The following ACOT6 variants were observed in gnomAD, a reference collection of about 807,000 sequenced individuals.
ACOT6 encodes the protein acyl-coenzyme A thioesterase 6.
In ACOT6, 14 loss-of-function variants were observed where a neutral mutation model predicts 12.3. That is an observed-to-expected ratio of 1.14 (90% CI 0.75 to 1.78). ACOT6 has a LOEUF of 1.78. ACOT6 is among the 40% of genes most tolerant of loss of function. The pLI is 0.00. For synonymous variants in ACOT6, 218 were observed against 231.3 expected, an observed-to-expected ratio of 0.94 and a Z score of 0.52; for missense variants, 523 against 551.8, an observed-to-expected ratio of 0.95 and a Z score of 0.52.
chr14:73,611,305 A>C (rs1311138437), upstream of ACOT6, among the ~76,000 whole-genome samples: 1 of 152,224 alleles, frequency 6.6e-6, no homozygotes, highest in Non-Finnish European at 1.5e-5. Flanking sequence ...CTGAAAAACA[A>C]GAGGAGAGTC....
At chr14:73,614,857 G>A (rs1890506085) in intron 1 of ACOT6, among the ~76,000 whole-genome samples, 1 of 152,116 alleles carries the variant, frequency 6.6e-6, no homozygotes, top group African/African-American at 2.4e-5. Flanking sequence ...AGCACTTTGG[G>A]AGGCCGAGGC....
chr14:73,614,746 CAAA>C (rs60415801), intron 1 of ACOT6, among the ~76,000 whole-genome samples: 24 of 113,002 alleles, frequency 2.1e-4, no homozygotes, highest in Admixed American at 3.7e-4. Context: ...GACCCTGTCT[CAAA>C]AAAAAAAAAA....
At chr14:73,615,900 T>C (rs1025537401) in intron 1 of ACOT6, among the ~76,000 whole-genome samples, 1 of 152,126 alleles carries the variant, frequency 6.6e-6, no homozygotes, top group Non-Finnish European at 1.5e-5. Context: ...ACCCTATTTC[T>C]ATAAAAAGTT....
Position 73,619,318 on chromosome 14 carries a change from A to G in ACOT6, c.745A>G (p.Thr249Ala). The G allele has an allele frequency of 6.2e-7, 1 of 1,613,366 alleles. No individual in the cohort carries two copies. The highest frequency in any genetic ancestry group is 1.7e-5 in the Admixed American group (1 of 59,910). The change falls in exon 3 of 3, where the codon ACA becomes GCA. Residue 249 changes from threonine to alanine, a missense_variant. By Grantham distance (58) the Thr-to-Ala change is moderately conservative. Coordinates refer to ENST00000645972, the MANE Select transcript of ACOT6 (RefSeq NM_001365788.1). ...LSMASFLKGITATVLINACVA... is the reference protein window; with the variant it reads ...LSMASFLKGIAATVLINACVA... ...AATGGCTTCTTTCTTGAAGGGCATC[A>G]CAGCCACTGTACTTATCAATGCCTG...
chr14:73,619,738 A>T lies in ACOT6; in HGVS notation c.1165A>T (p.Lys389Ter). The change falls in exon 3 of 3, where the codon AAG (lysine) becomes TAG (stop). Residue 389 changes from lysine (K) to a stop codon, truncating the protein, a stop_gained. Coordinates refer to ENST00000645972, the MANE Select transcript of ACOT6 (RefSeq NM_001365788.1). LOFTEE classifies it high-confidence loss of function. ...GGCAATATTCTATGGAGGTGAGCCA[A>T]AGGCTCACTCAAAGGCACAGGTAGA... ...GEAIFYGGEPKAHSKAQVDAW... is the reference protein window; with the variant it reads ...GEAIFYGGEP 1.2e-6 allele frequency: 2 copies of T among 1,613,984 alleles called. No homozygotes were observed. The highest frequency in any genetic ancestry group is 1.7e-6 in the Non-Finnish European group (2 of 1,179,858).
chr14:73,617,082 G>C lies in ACOT6; in HGVS notation c.550G>C (p.Ala184Pro). 1 of 1,509,238 alleles carries C rather than the reference G, an allele frequency of 6.6e-7. No homozygotes were observed. Among genetic ancestry groups the C allele is most frequent in the Non-Finnish European group, 9.2e-7 (1 of 1,085,320 alleles). 93.5% of individuals were successfully genotyped at this position (1,509,238 alleles called of 1,614,324 possible). A position where few individuals can be genotyped will look rare whatever the true frequency, so the allele number is the denominator to read the frequency against. ...RASLLAGHGF[A>P]VLALAYFRFE... is the part of the protein sequence containing the mutation. ...CAGCCTCCTGGCCGGACATGGTTTT[G>C]CTGTGCTTGCCCTGGCTTATTTCAG... Residue 184 changes from alanine (A) to proline (P), a missense_variant, in exon 2 of 3, where the codon GCT becomes CCT. Transcript: ENST00000645972.
chr14:73,613,948 G>C (rs1453548036), intron 1 of ACOT6, among the ~76,000 whole-genome samples: 1 of 150,822 alleles, frequency 6.6e-6, no homozygotes, highest in East Asian at 1.9e-4. Flanking sequence ...CCAGCACTTT[G>C]GGAGGCTGAG....
Position 73,617,073 on chromosome 14 carries a change from C to A in ACOT6, c.541C>A (p.His181Asn). The change falls in exon 2 of 3, where the codon CAT (histidine) becomes AAT (asparagine). Residue 181 changes from histidine (H) to asparagine (N), a missense_variant. Physicochemically the swap from His to Asn is moderately conservative, Grantham distance 68. Transcript: ENST00000645972. ...CEYRASLLAG[H>N]GFAVLALAYF... ...ATACAGGGCCAGCCTCCTGGCCGGA[C>A]ATGGTTTTGCTGTGCTTGCCCTGGC... The A allele has an allele frequency of 6.9e-7, 1 of 1,446,738 alleles. No homozygotes were observed. The highest frequency in any genetic ancestry group is 9.7e-7 in the Non-Finnish European group (1 of 1,028,968). 89.6% of individuals were successfully genotyped at this position (1,446,738 alleles called of 1,614,324 possible).
Position 73,617,138 on chromosome 14 carries a change from T to C in ACOT6, c.606T>C (p.Asp202=). The change falls in exon 2 of 3, where the codon GAT becomes GAC. Residue 202 remains aspartate, a synonymous_variant. Coordinates refer to ENST00000645972, the MANE Select transcript of ACOT6 (RefSeq NM_001365788.1). ...AAGACCTCCCCGAAGATCTGAATGATGTACATCTGGAGTACTTTGAAGAAG... is the reference window on the plus strand; with the variant it reads ...AAGACCTCCCCGAAGATCTGAATGACGTACATCTGGAGTACTTTGAAGAAG... ...RFEDLPEDLN[D]VHLEYFEEAV... The C allele has an allele frequency of 6.2e-7, 1 of 1,613,882 alleles. No individual in the cohort carries two copies.
chr14:73,618,444 A>G (rs1890576406), intron 2 of ACOT6, among the ~76,000 whole-genome samples: 1 of 151,198 alleles, frequency 6.6e-6, no homozygotes, highest in Non-Finnish European at 1.5e-5. Context: ...CATATGTGTG[A>G]GAGGCCCCTT....
In ACOT6 at chr14:73,612,601, G is replaced by C. The variant is rs868340543; in HGVS notation, c.30G>C (p.Ala10=). The change falls in exon 1 of 3, where the codon GCG becomes GCC. Residue 10 remains alanine (A), a synonymous_variant. Coordinates refer to ENST00000645972, the MANE Select transcript of ACOT6 (RefSeq NM_001365788.1). ...CAGCGACGCTGATCCTGGAGCCCGC[G>C]GGCCGCTGCTGCTGGGACGAGCCGC... The part of the protein sequence containing the change: MAATLILEP[A]GRCCWDEPLR... The C allele has an allele frequency of 5.0e-6, 7 of 1,414,022 alleles. No homozygotes were observed. The highest frequency in any genetic ancestry group is 4.5e-5 in the African/African-American group (3 of 66,904). The allele number at this position is 1,414,022 out of a possible 1,614,324, so 87.6% of individuals were successfully genotyped here.
Position 73,619,550 on chromosome 14 carries a change from A to G in ACOT6, c.977A>G (p.Asp326Gly), listed in dbSNP as rs750657498. Residue 326 changes from aspartate (D) to glycine (G), a missense_variant, in exon 3 of 3, where the codon GAT (aspartate) becomes GGT (glycine). Transcript: ENST00000645972. ...TTCTTGTTTATTGTTGGCATGGATGATCAAAGCTGGAAGAGTGAATTCTAT... is the reference window on the plus strand; with the variant it reads ...TTCTTGTTTATTGTTGGCATGGATGGTCAAAGCTGGAAGAGTGAATTCTAT... ...VPFLFIVGMD[D>G]QSWKSEFYAQ... 12 of 1,614,108 alleles carry G rather than the reference A, an allele frequency of 7.4e-6. No individual in the cohort carries two copies. The Admixed American group carries it at 2.0e-4, about 27-fold the overall frequency.
In ACOT6 at chr14:73,617,094, C is replaced by A; in HGVS notation, c.562C>A (p.Leu188Met). 6.3e-7 allele frequency: 1 copy of A among 1,576,638 alleles called. No homozygotes were observed. The highest frequency in any genetic ancestry group is 8.7e-7 in the Non-Finnish European group (1 of 1,146,292). The change falls in exon 2 of 3, where the codon CTG becomes ATG. Residue 188 changes from leucine (L) to methionine (M), a missense_variant. Leu to Met is a conservative substitution (Grantham distance 15). Transcript: ENST00000645972. ...CGGACATGGTTTTGCTGTGCTTGCC[C>A]TGGCTTATTTCAGATTTGAAGACCT... ...LAGHGFAVLA[L>M]AYFRFEDLPE... is the part of the protein sequence containing the mutation.
intron 2 of ACOT6, among the ~76,000 whole-genome samples, chr14:73,618,325 A>ACTGTATTTAACAGTTTGTTC (rs1890573970): frequency 2.0e-5 from 3 of 151,944 alleles, no homozygotes; most frequent in Admixed American, 6.5e-5. Flanking sequence ...GGCACCCCAG[A>ACTGTATTTAACAGTTTGTTC]ATTCTCTGCC....
At chr14:73,618,121 C>CA (rs1239654123) in intron 2 of ACOT6, among the ~76,000 whole-genome samples, 3 of 151,648 alleles carry the variant, frequency 2.0e-5, no homozygotes, top group Non-Finnish European at 2.9e-5. Context: ...CTAGACTGGG[C>CA]AACAAGAATG....
chr14:73,619,189 A>G (rs529773787), intron 2 of ACOT6, 45 bp from the exon 3 acceptor site: 14 of 1,519,500 alleles, frequency 9.2e-6, no homozygotes, highest in Non-Finnish European at 8.8e-6. Context: ...TGTGTCCTCC[A>G]TTTATGAATT....
chr14:73,614,797 C>A (rs1437434372), intron 1 of ACOT6, among the ~76,000 whole-genome samples: 1 of 145,622 alleles, frequency 6.9e-6, no homozygotes, highest in African/African-American at 2.6e-5. Context: ...TAAAACCTTT[C>A]ATTAAAAACA....
chr14:73,613,355 T>C (rs1446296510), intron 1 of ACOT6, among the ~76,000 whole-genome samples: 2 of 152,098 alleles, frequency 1.3e-5, no homozygotes, highest in East Asian at 3.9e-4. Context: ...ATTCAACTTA[T>C]TATATATTTA....
At position 73,612,545 on chromosome 14, in the gene ACOT6, G is replaced by A; in HGVS notation, c.-27G>A. The A allele has an allele frequency of 7.8e-7, 1 of 1,281,680 alleles. No individual in the cohort carries two copies. Among genetic ancestry groups the A allele is most frequent in the Non-Finnish European group, 1.0e-6 (1 of 993,398 alleles). 79.4% of individuals were successfully genotyped at this position (1,281,680 alleles called of 1,614,324 possible). A position where few individuals can be genotyped will look rare whatever the true frequency, so the allele number is the denominator to read the frequency against. ...CCCGCCCACTGACTCCGCGGAGCTGGGTCGCCCCTGTTCTACCCAGATTGG... is the reference window on the plus strand; with the variant it reads ...CCCGCCCACTGACTCCGCGGAGCTGAGTCGCCCCTGTTCTACCCAGATTGG... On this transcript the variant is annotated 5_prime_UTR_variant, in exon 1 of 3. Coordinates refer to ENST00000645972, the MANE Select transcript of ACOT6 (RefSeq NM_001365788.1).
Sources: gnomAD v4.1 joint callset for allele counts (sites outside exome capture counted in the v4.1 genomes callset) on GRCh38, gnomAD v4.1.1 for gene constraint, MANE v1.5 for transcripts, NCBI Gene and HGNC (gene_info 2026-07-23, HGNC 2026-07-21) for gene names.